The following CYB5R2 variants were observed in gnomAD, a reference collection of about 807,000 sequenced individuals.
CYB5R2 encodes the protein NADH-cytochrome b5 reductase 2.
In CYB5R2, 35 loss-of-function variants were observed where a neutral mutation model predicts 29.8. The ratio of observed to expected loss-of-function variants is 1.17; its 90% CI spans 0.90 to 1.56. CYB5R2 has a LOEUF of 1.56. CYB5R2 is among the 40% of genes most tolerant of loss of function. CYB5R2 has a pLI of 0.00. For missense variants in CYB5R2, 419 were observed against 346.7 expected (o/e 1.21, Z -1.66); for synonymous variants, 169 against 130.6 (o/e 1.29, Z -2.01).
chr11:7,668,529 C>CCAG lies in CYB5R2; in HGVS notation c.420_421insCTG (p.Ser140_Glu141insLeu), dbSNP rs764470223. On this transcript the variant is annotated inframe_insertion, in exon 6 of 9. Transcript: ENST00000299498. ...TGATCGGCCAGTGTTTTTTTAGGCT[C>CCAG]ACTCGTCTGGTCTGGTCTGATTCCA... 4 of 1,613,928 alleles carry CCAG rather than the reference C, an allele frequency of 2.5e-6. No individual in the cohort carries two copies. In the South Asian group the frequency reaches 4.4e-5, roughly 18 times the overall value.
At chr11:7,674,208 T>A (rs1267091370), upstream of CYB5R2, 1 of 1,276,314 alleles carries the variant, frequency 7.8e-7, no homozygotes, top group Admixed American at 2.4e-5. Flanking sequence ...AGCGCGCGAA[T>A]ATATTCATTC....
rs554315869 is a variant in CYB5R2 at position 7,672,971 on chromosome 11, C to T, written c.-66-80G>A. 5.4e-4 allele frequency: 741 copies of T among 1,366,846 alleles called. 1 individual carries two copies. Among genetic ancestry groups the T allele is most frequent in the South Asian group, 2.3e-3 (183 of 79,812 alleles). 84.7% of individuals were successfully genotyped at this position (1,366,846 alleles called of 1,614,324 possible). A position where few individuals can be genotyped will look rare whatever the true frequency, so the allele number is the denominator to read the frequency against. On this transcript the variant is annotated intron_variant, in intron 1 of 8. Coordinates refer to ENST00000299498, the MANE Select transcript of CYB5R2 (RefSeq NM_016229.5). ...CAGCTCTCAGGCGCAGAACACCCTC[C>T]CCACACCAAAGGCACAGGAGCTGAG...
At chr11:7,665,774 G>A in intron 8 of CYB5R2, 1 of 1,439,514 alleles carries the variant, frequency 6.9e-7, no homozygotes, top group Non-Finnish European at 9.3e-7. Flanking sequence ...AAGCCCTGCT[G>A]CTGTCTGTCA....
intron 8 of CYB5R2, chr11:7,666,000 T>C: frequency 2.5e-6 from 3 of 1,219,700 alleles, no homozygotes; most frequent in Non-Finnish European, 3.5e-6. Flanking sequence ...GGGTGCTCTG[T>C]GCACAGTGGT....
Position 7,667,715 on chromosome 11 carries a change from A to G in CYB5R2, c.558+13T>C. The G allele has an allele frequency of 6.2e-7, 1 of 1,608,292 alleles. No individual in the cohort carries two copies. The highest frequency in any genetic ancestry group is 1.3e-5 in the African/African-American group (1 of 74,942). ...CATTCCATCCTACCACTGCAAGCTC[A>G]GCAGGAACTGACCTGGTTGGCAAAG... On this transcript the variant is annotated intron_variant, in intron 7 of 8. Coordinates refer to ENST00000299498, the MANE Select transcript of CYB5R2 (RefSeq NM_016229.5).
chr11:7,667,956 C>T (rs1590870020), intron 6 of CYB5R2, 143 bp from the exon 7 acceptor site: 1 of 680,710 alleles, frequency 1.5e-6, no homozygotes, highest in Non-Finnish European at 2.6e-6. Flanking sequence ...AGGAAACAGC[C>T]CTTCATTTTG....
intron 5 of CYB5R2, 180 bp downstream of exon 5, chr11:7,669,025 C>T (rs1239749735): frequency 1.3e-6 from 1 of 789,536 alleles, no homozygotes; most frequent in Admixed American, 2.0e-5. Context: ...CAAAAGCTGA[C>T]AACCTCATGA....
upstream of CYB5R2, chr11:7,674,235 G>A (rs1378163724): frequency 1.6e-6 from 2 of 1,287,570 alleles, no homozygotes; most frequent in Non-Finnish European, 2.0e-6. Flanking sequence ...CCTCATGGGC[G>A]CCTACCCTGG....
Position 7,672,860 on chromosome 11 carries a change from G to C in CYB5R2, c.-35C>G, listed in dbSNP as rs376565245. On this transcript the variant is annotated 5_prime_UTR_variant, in exon 2 of 9. Coordinates refer to ENST00000299498, the MANE Select transcript of CYB5R2 (RefSeq NM_016229.5). ...GACCAACACGAGCACAGTGACCCCA[G>C]TGACGGTGATGGTCAGGAGCAGGGA... is the stretch of plus-strand genomic sequence containing the variant. 6.2e-7 allele frequency: 1 copy of C among 1,613,924 alleles called. No homozygotes were observed. Among genetic ancestry groups the C allele is most frequent in the African/African-American group, 1.3e-5 (1 of 74,930 alleles).
chr11:7,672,956 G>T, intron 1 of CYB5R2, 65 bp from the exon 2 acceptor site: 1 of 1,486,110 alleles, frequency 6.7e-7, no homozygotes, highest in Non-Finnish European at 9.2e-7. Flanking sequence ...CAGCTCTCAG[G>T]CGCAGAACAC....
chr11:7,673,729 C>T (rs1017956273), upstream of CYB5R2: 10 of 986,180 alleles, frequency 1.0e-5, no homozygotes, highest in South Asian at 1.9e-4. Flanking sequence ...CGGAGTGAGA[C>T]GCCCAACACG....
At chr11:7,667,055 A>C (rs1772365334) in intron 7 of CYB5R2, 1 of 152,530 alleles carries the variant, frequency 6.6e-6, no homozygotes, top group Admixed American at 6.5e-5. Context: ...AGCCAAAAAT[A>C]ACCTGTCACA....
At chr11:7,672,951 C>A in intron 1 of CYB5R2, 60 bp from the exon 2 acceptor site, 1 of 1,524,708 alleles carries the variant, frequency 6.6e-7, no homozygotes, top group Non-Finnish European at 8.9e-7. Flanking sequence ...CAGGGCAGCT[C>A]TCAGGCGCAG....
chr11:7,673,910 C>A (rs1468891135), upstream of CYB5R2: 1 of 999,978 alleles, frequency 1.0e-6, no homozygotes, highest in Non-Finnish European at 1.2e-6. Flanking sequence ...GGCGGCTGGC[C>A]CGCTCCCCGA....
chr11:7,672,230 A>C (rs1023144562), intron 3 of CYB5R2: 1 of 537,896 alleles, frequency 1.9e-6, no homozygotes, highest in African/African-American at 1.9e-5. Context: ...TTCAATGCTC[A>C]CTGAGGTACC....
At chr11:7,673,031 G>A (rs1565158374) in intron 1 of CYB5R2, 140 bp from the exon 2 acceptor site, 4 of 819,186 alleles carry the variant, frequency 4.9e-6, no homozygotes, top group Non-Finnish European at 7.6e-6. Flanking sequence ...GAGAACAGTA[G>A]TGACACAGAA....
chr11:7,666,168 G>A (rs1855186357), intron 8 of CYB5R2: 2 of 599,798 alleles, frequency 3.3e-6, no homozygotes, highest in South Asian at 4.0e-5. Context: ...TGGAATGGGT[G>A]GGTGTTCACA....
chr11:7,665,624 C>T lies in CYB5R2; in HGVS notation c.659-78G>A, dbSNP rs1004087010. 5 of 1,447,566 alleles carry T rather than the reference C, an allele frequency of 3.5e-6. No individual in the cohort carries two copies. The African/African-American group carries it at 5.7e-5, about 16-fold the overall frequency. The allele number at this position is 1,447,566 out of a possible 1,614,324, so 89.7% of individuals were successfully genotyped here. A position where few individuals can be genotyped will look rare whatever the true frequency, so the allele number is the denominator to read the frequency against. ...GATCCCAGGCCGCCTGCACACCCACCCTCAGCCAGGGAGGAGGTGACAAGC... is the reference window on the plus strand; with the variant it reads ...GATCCCAGGCCGCCTGCACACCCACTCTCAGCCAGGGAGGAGGTGACAAGC... On this transcript the variant is annotated intron_variant, in intron 8 of 8. Transcript: ENST00000299498.
At chr11:7,669,171 C>A in intron 5 of CYB5R2, 34 bp downstream of exon 5, 1 of 1,613,912 alleles carries the variant, frequency 6.2e-7, no homozygotes, top group Non-Finnish European at 8.5e-7. Flanking sequence ...ATCTTCCTCC[C>A]AGCTGGGAGC....
Sources: gnomAD v4.1 joint callset for allele counts on GRCh38, gnomAD v4.1.1 for gene constraint, MANE v1.5 for transcripts, NCBI Gene and HGNC (gene_info 2026-07-23, HGNC 2026-07-21) for gene names.